The following SEC14L5 variants were observed in gnomAD, a reference collection of about 807,000 sequenced individuals.
SEC14L5 encodes the protein SEC14 like lipid binding 5.
A neutral mutation model predicts 84.6 loss-of-function variants in SEC14L5; 96 were observed. That is an observed-to-expected ratio of 1.13 (90% CI 0.96 to 1.34). The LOEUF is 1.34. Among genes scored for constraint, SEC14L5 ranks in the 40% most tolerant of loss-of-function variants. The probability of loss-of-function intolerance (pLI) is 0.00; values close to 1 mark genes in which losing one functional copy is unlikely to be tolerated. For synonymous variants in SEC14L5, 546 were observed against 383.4 expected, an observed-to-expected ratio of 1.42 and a Z score of -4.95; for missense variants, 1,224 against 942.5, an observed-to-expected ratio of 1.30 and a Z score of -3.91.
chr16:4,973,892 C>T (rs2142485665), intron 2 of SEC14L5, among the ~76,000 whole-genome samples: 1 of 152,108 alleles, frequency 6.6e-6, no homozygotes, highest in African/African-American at 2.4e-5. Context: ...CCATGTTGAC[C>T]AGGCTGGTCT....
At position 5,000,913 on chromosome 16, in the gene SEC14L5, G is replaced by A. The variant is rs1306986771; in HGVS notation, c.1118G>A (p.Gly373Asp). 6.2e-7 allele frequency: 1 copy of A among 1,607,156 alleles called. No homozygotes were observed. The highest frequency in any genetic ancestry group is 2.2e-5 in the East Asian group (1 of 44,634). ...KRCEGSTRQL[G>D]RPISSWTCLL... ...TGTGAGGGGAGCACAAGGCAGCTGGGCCGTCCCATCAGGCAAACACCTGGG... is the reference window on the plus strand; with the variant it reads ...TGTGAGGGGAGCACAAGGCAGCTGGACCGTCCCATCAGGCAAACACCTGGG... Residue 373 changes from glycine (G) to aspartate (D), a missense_variant, in exon 10 of 16, where the codon GGC becomes GAC. By Grantham distance (94) the Gly-to-Asp change is moderately conservative (BLOSUM62 -1). Coordinates refer to ENST00000251170, the MANE Select transcript of SEC14L5 (RefSeq NM_014692.2).
At chr16:4,975,472 C>CAAAAAAAA (rs55786860) in intron 2 of SEC14L5, among the ~76,000 whole-genome samples, 1 of 77,332 alleles carries the variant, frequency 1.3e-5, no homozygotes, top group Non-Finnish European at 2.2e-5. Flanking sequence ...AACTCCATCT[C>CAAAAAAAA]AAAAAAAAAA....
chr16:4,991,376 C>A (rs542743463), intron 5 of SEC14L5, among the ~76,000 whole-genome samples: 1 of 151,996 alleles, frequency 6.6e-6, no homozygotes, highest in African/African-American at 2.4e-5. Flanking sequence ...GTCTAGGCAA[C>A]ATAGTGGACT....
At chr16:4,963,591 C>A (rs141624000) in intron 2 of SEC14L5, among the ~76,000 whole-genome samples, 3,191 of 152,336 alleles carry the variant, frequency 0.021, 62 homozygotes, top group Non-Finnish European at 0.031. Flanking sequence ...AGTGTTCCGC[C>A]CGCCTTGGCC....
intron 1 of SEC14L5, 120 bp downstream of exon 1, chr16:4,958,565 G>C (rs1181969389): frequency 6.5e-6 from 1 of 152,802 alleles, no homozygotes; most frequent in Non-Finnish European, 1.5e-5. Context: ...GGTGAGCAAA[G>C]CTGCGGGGAC....
chr16:4,982,061 C>G (rs554274572), intron 2 of SEC14L5, among the ~76,000 whole-genome samples: 1 of 152,174 alleles, frequency 6.6e-6, no homozygotes. Context: ...CCTATTCCAA[C>G]GCTGATGTGT....
chr16:4,977,860 G>T (rs898287459), intron 2 of SEC14L5, among the ~76,000 whole-genome samples: 2 of 151,532 alleles, frequency 1.3e-5, no homozygotes, highest in African/African-American at 4.8e-5. Flanking sequence ...GAGTACAGTG[G>T]CATGATCTCG....
In SEC14L5 at chr16:4,989,325, TTG is replaced by T. The variant is rs1410167292; in HGVS notation, c.345+1047_345+1048del. Reference sequence around the variant, plus strand: ...TTTTTTTTTTGTTTGTTTGTTTGTTTTGTTTTTTTTTTTGTTTGTTTTTTTGA... The same window carrying T: ...TTTTTTTTTTGTTTGTTTGTTTGTTTTTTTTTTTTTTGTTTGTTTTTTTGA... On this transcript the variant is annotated intron_variant, in intron 4 of 15. Transcript: ENST00000251170. 8.8e-4 allele frequency among the ~76,000 whole-genome samples: 39 copies of T among 44,560 alleles called. 1 individual carries two copies. Among genetic ancestry groups the T allele is most frequent in the African/African-American group, 2.1e-3 (34 of 16,182 alleles). The allele number at this position is 44,560 out of a possible 152,430, so 29.2% of individuals were successfully genotyped here.
Position 4,974,604 on chromosome 16 carries a change from CTT to C in SEC14L5, c.64-12944_64-12943del, listed in dbSNP as rs60355877. ...TATTTAAACAGTTTTTGGGGTACAGCTTTTTTTTTTAACATGGATAAGGTCTT... is the reference window on the plus strand; with the variant it reads ...TATTTAAACAGTTTTTGGGGTACAGCTTTTTTTTAACATGGATAAGGTCTT... On this transcript the variant is annotated intron_variant, in intron 2 of 15. Coordinates refer to ENST00000251170, the MANE Select transcript of SEC14L5 (RefSeq NM_014692.2). Among the ~76,000 whole-genome samples the C allele has an allele frequency of 5.9e-3, 895 of 150,988 alleles. 7 individuals are homozygous for C. Among genetic ancestry groups the C allele is most frequent in the African/African-American group, 0.02 (803 of 40,998 alleles).
intron 2 of SEC14L5, among the ~76,000 whole-genome samples, chr16:4,964,672 G>A (rs1156374632): frequency 6.6e-6 from 1 of 152,066 alleles, no homozygotes; most frequent in Admixed American, 6.6e-5. Flanking sequence ...CCGACCTCAG[G>A]TGATCTTCCT....
intron 2 of SEC14L5, among the ~76,000 whole-genome samples, chr16:4,984,886 A>C (rs568686245): frequency 6.6e-6 from 1 of 152,092 alleles, no homozygotes; most frequent in Non-Finnish European, 1.5e-5. Context: ...AAATTGGGTC[A>C]TCTCTTTATT....
At chr16:5,011,469 C>T (rs1216212531) in intron 15 of SEC14L5, among the ~76,000 whole-genome samples, 196 bp downstream of exon 15, 1 of 152,240 alleles carries the variant, frequency 6.6e-6, no homozygotes, top group Non-Finnish European at 1.5e-5. Flanking sequence ...GCGTCTAACT[C>T]TGCTTCCGAA....
At chr16:4,987,506 G>T in intron 2 of SEC14L5, 51 bp from the exon 3 acceptor site, 3 of 1,451,874 alleles carry the variant, frequency 2.1e-6, no homozygotes, top group East Asian at 2.7e-5. Context: ...CTGGGGGGGG[G>T]GGTCCCTCTG....
In SEC14L5 at chr16:5,011,116, C is replaced by A. The variant is rs1183223403; in HGVS notation, c.1822C>A (p.Pro608Thr). ...TCAGGGCTCCCATGTGACCCGGTGG[C>A]CCGGCGTCTACCTGCTCCAGTGGCA... ...SIQGSHVTRWPGVYLLQWQMH... is the reference protein window; with the variant it reads ...SIQGSHVTRWTGVYLLQWQMH... The change falls in exon 15 of 16, where the codon CCC becomes ACC. Residue 608 changes from proline to threonine, a missense_variant. Pro to Thr is a conservative substitution (Grantham distance 38, BLOSUM62 -1). Transcript: ENST00000251170. The A allele has an allele frequency of 8.7e-6, 14 of 1,605,954 alleles. No homozygotes were observed. The highest frequency in any genetic ancestry group is 1.7e-5 in the Admixed American group (1 of 58,788).
intron 2 of SEC14L5, among the ~76,000 whole-genome samples, chr16:4,980,455 G>C (rs1320970325): frequency 6.6e-6 from 1 of 152,180 alleles, no homozygotes; most frequent in Non-Finnish European, 1.5e-5. Flanking sequence ...TGTTAGGATG[G>C]GAAGTGAGTC....
At chr16:4,970,147 G>A (rs76714789) in intron 2 of SEC14L5, among the ~76,000 whole-genome samples, 2 of 151,936 alleles carry the variant, frequency 1.3e-5, no homozygotes, top group African/African-American at 2.4e-5. Flanking sequence ...TGCCCTTATC[G>A]AGCCCTCAGC....
intron 2 of SEC14L5, among the ~76,000 whole-genome samples, chr16:4,974,141 T>C (rs144408388): frequency 6.6e-6 from 1 of 152,236 alleles, no homozygotes; most frequent in African/African-American, 2.4e-5. Context: ...TTGAAGGTGA[T>C]AAAAATATTC....
intron 4 of SEC14L5, 96 bp from the exon 5 acceptor site, chr16:4,990,671 A>G (rs965709102): frequency 3.2e-6 from 4 of 1,253,404 alleles, no homozygotes; most frequent in Admixed American, 5.6e-5. Flanking sequence ...TTTCCACTGC[A>G]GGCTCTGCCT....
At chr16:4,999,324 G>A (rs1185451081) in intron 8 of SEC14L5, among the ~76,000 whole-genome samples, 1 of 152,174 alleles carries the variant, frequency 6.6e-6, no homozygotes, top group Non-Finnish European at 1.5e-5. Flanking sequence ...AGAAACACAA[G>A]CCGGGCGCAG....
Sources: gnomAD v4.1 joint callset for allele counts (sites outside exome capture counted in the v4.1 genomes callset) on GRCh38, gnomAD v4.1.1 for gene constraint, MANE v1.5 for transcripts, NCBI Gene and HGNC (gene_info 2026-07-23, HGNC 2026-07-21) for gene names.